Variants in MACROD2 observed in about 807,000 individuals in gnomAD.
The protein encoded by MACROD2 is mono-ADP ribosylhydrolase 2.
In MACROD2, 36 loss-of-function variants were observed where a neutral mutation model predicts 70.4. The observed-to-expected ratio is 0.51, with a 90% CI of 0.39 to 0.68. The LOEUF (loss-of-function observed/expected upper bound fraction) is 0.68. Ranked by LOEUF, MACROD2 falls within the 30% of genes least tolerant of loss-of-function variation. The pLI is 0.00. For synonymous variants in MACROD2, 172 were observed against 178.8 expected, an observed-to-expected ratio of 0.96 and a Z score of 0.30; for missense variants, 496 against 538.4, an observed-to-expected ratio of 0.92 and a Z score of 0.78.
At chr20:15,407,597 A>G (rs1461449011) in intron 6 of MACROD2, among the ~76,000 whole-genome samples, 2 of 152,138 alleles carry the variant, frequency 1.3e-5, no homozygotes, top group Non-Finnish European at 2.9e-5. Context: ...TTAAGAGGAC[A>G]TGCTCTAGAG....
At chr20:14,485,321 G>A (rs983257734) in intron 3 of MACROD2, among the ~76,000 whole-genome samples, 3 of 152,054 alleles carry the variant, frequency 2.0e-5, no homozygotes, top group African/African-American at 7.2e-5. Flanking sequence ...TTAGAGTCAT[G>A]GTATATTGAT....
At chr20:14,375,507 A>G (rs531280634) in intron 3 of MACROD2, among the ~76,000 whole-genome samples, 1 of 152,326 alleles carries the variant, frequency 6.6e-6, no homozygotes, top group East Asian at 1.9e-4. Context: ...ATAAAGGTAG[A>G]CAAAGGGGAG....
At chr20:14,549,423 T>C (rs907397602) in intron 4 of MACROD2, among the ~76,000 whole-genome samples, 9 of 152,370 alleles carry the variant, frequency 5.9e-5, no homozygotes, top group African/African-American at 2.2e-4. Flanking sequence ...TTGTAAACTG[T>C]TCTTATCACC....
chr20:15,090,650 G>A (rs2075786054), intron 5 of MACROD2, among the ~76,000 whole-genome samples: 1 of 152,108 alleles, frequency 6.6e-6, no homozygotes, highest in Non-Finnish European at 1.5e-5. Flanking sequence ...TTGGTGATGA[G>A]TGGGCAAACT....
At chr20:14,709,363 C>CCTTTTT (rs2071309898) in intron 5 of MACROD2, among the ~76,000 whole-genome samples, 1 of 152,008 alleles carries the variant, frequency 6.6e-6, no homozygotes, top group African/African-American at 2.4e-5. Flanking sequence ...AAATCTTTTA[C>CCTTTTT]ACATGCTTCA....
At chr20:15,268,389 C>T (rs766860128) in intron 6 of MACROD2, among the ~76,000 whole-genome samples, 9 of 152,174 alleles carry the variant, frequency 5.9e-5, no homozygotes, top group Admixed American at 1.3e-4. Flanking sequence ...CAGTGGCTCA[C>T]GCCTGTAATC....
chr20:14,134,782 C>T (rs1032031456), intron 3 of MACROD2, among the ~76,000 whole-genome samples: 6 of 117,526 alleles, frequency 5.1e-5, no homozygotes, highest in Non-Finnish European at 8.0e-5. Flanking sequence ...TCCCGCCTGG[C>T]GACAGTGAGA....
intron 5 of MACROD2, among the ~76,000 whole-genome samples, chr20:14,775,199 A>G (rs1406235442): frequency 6.6e-6 from 1 of 152,128 alleles, no homozygotes; most frequent in South Asian, 2.1e-4. Context: ...TTTCCTTATG[A>G]CAATTCTTGA....
intron 13 of MACROD2, among the ~76,000 whole-genome samples, chr20:15,968,040 A>G (rs991681582): frequency 6.6e-6 from 1 of 152,218 alleles, no homozygotes; most frequent in African/African-American, 2.4e-5. Context: ...AAATGAAACA[A>G]TCTTTAGAAA....
chr20:14,906,726 G>A (rs186600188), intron 5 of MACROD2, among the ~76,000 whole-genome samples: 6 of 152,190 alleles, frequency 3.9e-5, no homozygotes. Context: ...AAAAGAACAG[G>A]ATCTTTTTGT....
intron 10 of MACROD2, among the ~76,000 whole-genome samples, chr20:15,912,603 G>T (rs148286188): frequency 7.0e-4 from 106 of 152,222 alleles, no homozygotes; most frequent in South Asian, 1.9e-3. Context: ...GTAAGGACAG[G>T]TTTGAAACAG....
intron 4 of MACROD2, among the ~76,000 whole-genome samples, chr20:14,613,028 C>A (rs1983266205): frequency 6.6e-6 from 1 of 152,016 alleles, no homozygotes; most frequent in African/African-American, 2.4e-5. Context: ...TGAGAAGGAG[C>A]TTAAAAATAC....
At chr20:15,740,367 A>C (rs983029989) in intron 8 of MACROD2, among the ~76,000 whole-genome samples, 2 of 152,178 alleles carry the variant, frequency 1.3e-5, no homozygotes, top group Admixed American at 1.3e-4. Context: ...TACTATCTAT[A>C]GCAGGGTCTT....
At chr20:15,531,114 A>G (rs1295459596) in intron 8 of MACROD2, among the ~76,000 whole-genome samples, 1 of 151,772 alleles carries the variant, frequency 6.6e-6, no homozygotes, top group African/African-American at 2.4e-5. Flanking sequence ...ATTCAAAAAG[A>G]GGCAAGAGAT....
At chr20:14,475,366 T>G (rs1015776991) in intron 3 of MACROD2, among the ~76,000 whole-genome samples, 1 of 152,100 alleles carries the variant, frequency 6.6e-6, no homozygotes. Context: ...CTTTTAGTCT[T>G]CATATTAAAG....
chr20:14,131,217 A>G (rs1569171992), intron 3 of MACROD2, among the ~76,000 whole-genome samples: 1 of 152,188 alleles, frequency 6.6e-6, no homozygotes, highest in South Asian at 2.1e-4. Flanking sequence ...TCACTTGAGC[A>G]GGGGATAAAG....
At chr20:15,530,814 TC>T (rs1357138692) in intron 8 of MACROD2, among the ~76,000 whole-genome samples, 1 of 152,062 alleles carries the variant, frequency 6.6e-6, no homozygotes, top group African/African-American at 2.4e-5. Context: ...GAGTGGAAGT[TC>T]CAATTAATAT....
chr20:14,837,116 TTTGATTC>T (rs1198550364), intron 5 of MACROD2, among the ~76,000 whole-genome samples: 1 of 151,984 alleles, frequency 6.6e-6, no homozygotes, highest in Admixed American at 6.6e-5. Flanking sequence ...TCAAGAAAAT[TTTGATTC>T]CTAAAGACTA....
intron 3 of MACROD2, among the ~76,000 whole-genome samples, chr20:14,183,866 C>T (rs2081324419): frequency 6.6e-6 from 1 of 151,992 alleles, no homozygotes; most frequent in Non-Finnish European, 1.5e-5. Context: ...TTCCTTTGCC[C>T]TCTTTGTAAT....
Sources: gnomAD v4.1 joint callset for allele counts (sites outside exome capture counted in the v4.1 genomes callset) on GRCh38, gnomAD v4.1.1 for gene constraint, MANE v1.5 for transcripts, NCBI Gene and HGNC (gene_info 2026-07-23, HGNC 2026-07-21) for gene names.